PRKG1: variants seen among roughly 807,000 people sequenced by gnomAD.
The protein encoded by PRKG1 is protein kinase cGMP-dependent 1, also known as cGMP-dependent protein kinase 1.
A neutral mutation model predicts 88.1 loss-of-function variants in PRKG1; 35 were observed. The observed-to-expected ratio is 0.40, with a 90% CI of 0.30 to 0.53. The LOEUF (loss-of-function observed/expected upper bound fraction) is 0.53. Ranked by LOEUF, PRKG1 falls within the 20% of genes least tolerant of loss-of-function variation. The pLI is 0.59. For missense variants in PRKG1, 540 were observed against 839.8 expected (o/e 0.64, Z 4.41); for synonymous variants, 303 against 292.5 (o/e 1.04, Z -0.37).
chr10:51,930,014 C>T (rs7903366), intron 5 of PRKG1, among the ~76,000 whole-genome samples: 60,042 of 151,942 alleles, frequency 0.4, 13,686 homozygotes, highest in African/African-American at 0.62. Flanking sequence ...AAGAAAGTGA[C>T]ATGATCTTAG....
intron 1 of PRKG1, chr10:51,068,542 G>T (rs1287907016): frequency 1.3e-5 from 2 of 151,678 alleles, no homozygotes; most frequent in African/African-American, 4.8e-5. Flanking sequence ...TTTAAATTTT[G>T]GTTACAAAAC....
In PRKG1 at chr10:51,095,676, T is replaced by G. The variant is rs150957363; in HGVS notation, c.311+20775T>G. Among the ~76,000 whole-genome samples, 313 of 152,274 alleles carry G rather than the reference T, an allele frequency of 2.1e-3. 1 individual carries two copies. Among genetic ancestry groups the G allele is most frequent in the African/African-American group, 7.2e-3 (300 of 41,552 alleles). On this transcript the variant is annotated intron_variant, in intron 1 of 17. Transcript: ENST00000373980. ...TAGACAAACTCAAGTATTGGCGCAGTGTGATACTCAGTACTGGGGAACTGC... is the reference window on the plus strand; with the variant it reads ...TAGACAAACTCAAGTATTGGCGCAGGGTGATACTCAGTACTGGGGAACTGC...
intron 1 of PRKG1, among the ~76,000 whole-genome samples, chr10:51,023,992 C>T (rs1403590911): frequency 6.6e-6 from 1 of 152,190 alleles, no homozygotes; most frequent in Non-Finnish European, 1.5e-5. Flanking sequence ...CTAATTGACA[C>T]TGTAATTTTC....
intron 2 of PRKG1, among the ~76,000 whole-genome samples, chr10:51,247,964 C>T (rs1388430691): frequency 6.6e-6 from 1 of 151,850 alleles, no homozygotes; most frequent in Admixed American, 6.6e-5. Flanking sequence ...TGTCTGCCTG[C>T]TTACATTGCT....
intron 1 of PRKG1, among the ~76,000 whole-genome samples, chr10:51,122,425 A>T (rs1845281214): frequency 6.6e-6 from 1 of 152,292 alleles, no homozygotes; most frequent in Non-Finnish European, 1.5e-5. Context: ...ATAATGGCTA[A>T]GTGATGTTAG....
chr10:51,232,139 G>A (rs575228032), intron 2 of PRKG1, among the ~76,000 whole-genome samples: 7 of 152,242 alleles, frequency 4.6e-5, no homozygotes, highest in Admixed American at 1.3e-4. Flanking sequence ...ATTTCTGTGG[G>A]CATGTGTATG....
At chr10:51,005,842 G>T (rs1414012980) in intron 1 of PRKG1, among the ~76,000 whole-genome samples, 2 of 152,172 alleles carry the variant, frequency 1.3e-5, no homozygotes, top group Non-Finnish European at 2.9e-5. Flanking sequence ...TCCAGGCTGG[G>T]TGCCTTATTT....
intron 10 of PRKG1, among the ~76,000 whole-genome samples, chr10:52,260,924 G>T (rs1841418460): frequency 2.0e-5 from 3 of 151,766 alleles, no homozygotes; most frequent in African/African-American, 7.3e-5. Flanking sequence ...AATTATAAAT[G>T]TTCTTTGATT....
chr10:51,967,547 C>T (rs1843602418), intron 5 of PRKG1, among the ~76,000 whole-genome samples: 2 of 150,362 alleles, frequency 1.3e-5, no homozygotes, highest in African/African-American at 4.9e-5. Context: ...TACCCTAAAA[C>T]CTAAAGTATA....
chr10:52,253,799 G>T (rs983744632), intron 10 of PRKG1, among the ~76,000 whole-genome samples: 4 of 151,884 alleles, frequency 2.6e-5, no homozygotes, highest in Admixed American at 1.3e-4. Context: ...AAAAACTGTA[G>T]ATATTACTGC....
At chr10:51,083,514 G>GTTTT (rs11419106) in intron 1 of PRKG1, among the ~76,000 whole-genome samples, 19 of 146,074 alleles carry the variant, frequency 1.3e-4, no homozygotes, top group Middle Eastern at 3.6e-3. Flanking sequence ...GCCAGCTACA[G>GTTTT]TTTTTTTTTT....
At chr10:51,879,389 T>C (rs943241413) in intron 4 of PRKG1, among the ~76,000 whole-genome samples, 2 of 152,200 alleles carry the variant, frequency 1.3e-5, no homozygotes, top group Non-Finnish European at 2.9e-5. Context: ...GCCTCAAGTC[T>C]CTTACTATCC....
At chr10:51,430,911 C>A (rs898481982) in intron 2 of PRKG1, among the ~76,000 whole-genome samples, 1 of 152,130 alleles carries the variant, frequency 6.6e-6, no homozygotes, top group African/African-American at 2.4e-5. Flanking sequence ...AAAAGCAGAT[C>A]AATGGTTGCC....
intron 7 of PRKG1, among the ~76,000 whole-genome samples, chr10:52,096,251 C>T (rs1219865535): frequency 1.3e-5 from 2 of 152,238 alleles, no homozygotes; most frequent in Non-Finnish European, 2.9e-5. Context: ...TGTTTATAAG[C>T]GTTAAAACCA....
chr10:51,275,422 A>G (rs1324964014), intron 2 of PRKG1, among the ~76,000 whole-genome samples: 8 of 152,118 alleles, frequency 5.3e-5, no homozygotes, highest in African/African-American at 1.9e-4. Flanking sequence ...GAAAATCCTA[A>G]TTTTTCTTTG....
chr10:51,209,662 T>C (rs1838161403), intron 2 of PRKG1, among the ~76,000 whole-genome samples: 1 of 152,186 alleles, frequency 6.6e-6, no homozygotes, highest in African/African-American at 2.4e-5. Context: ...TTTTGCCATT[T>C]TACTAGGAAG....
At chr10:51,839,587 T>C (rs1451321971) in intron 4 of PRKG1, among the ~76,000 whole-genome samples, 4 of 152,226 alleles carry the variant, frequency 2.6e-5, no homozygotes, top group Admixed American at 1.3e-4. Flanking sequence ...TGACAGGAAT[T>C]ATATTGAAAA....
In PRKG1 at chr10:51,601,721, A is replaced by ATTTTTTTTTTT. The variant is rs749205610; in HGVS notation, c.592+133923_592+133933dup. 4.8e-4 allele frequency among the ~76,000 whole-genome samples: 21 copies of ATTTTTTTTTTT among 43,574 alleles called. 3 individuals are homozygous for ATTTTTTTTTTT. The highest frequency in any genetic ancestry group is 6.3e-4 in the Non-Finnish European group (14 of 22,068). The allele number at this position is 43,574 out of a possible 152,430, so 28.6% of individuals were successfully genotyped here. On this transcript the variant is annotated intron_variant, in intron 3 of 17. Transcript: ENST00000373980. ...TTTTAGAAATAAAGTGGCAGATTGA[A>ATTTTTTTTTTT]TTTTTTTTTTTTTTTTTTTTTTTTT...
At chr10:51,599,702 T>C (rs1168484407) in intron 3 of PRKG1, among the ~76,000 whole-genome samples, 1 of 152,192 alleles carries the variant, frequency 6.6e-6, no homozygotes, top group Non-Finnish European at 1.5e-5. Flanking sequence ...TATATTTTTA[T>C]ATTAGTCTTT....
Sources: gnomAD v4.1 joint callset for allele counts (sites outside exome capture counted in the v4.1 genomes callset) on GRCh38, gnomAD v4.1.1 for gene constraint, MANE v1.5 for transcripts, NCBI Gene and HGNC (gene_info 2026-07-23, HGNC 2026-07-21) for gene names.